The following DDX21 variants were observed in gnomAD, a reference collection of about 807,000 sequenced individuals.
DDX21 encodes the protein DExD-box helicase 21.
A neutral mutation model predicts 90.0 loss-of-function variants in DDX21; 18 were observed. The ratio of observed to expected loss-of-function variants is 0.20; its 90% CI spans 0.14 to 0.30. The LOEUF is 0.30. Among genes scored for constraint, DDX21 ranks in the 10% least tolerant of loss-of-function variants. The pLI is 1.00. For missense variants in DDX21, 673 were observed against 944.5 expected, an observed-to-expected ratio of 0.71 and a Z score of 3.77; for synonymous variants, 294 against 318.0, an observed-to-expected ratio of 0.92 and a Z score of 0.80.
chr10:68,975,870 A>C (rs1843090612), intron 11 of DDX21, among the ~76,000 whole-genome samples: 1 of 152,020 alleles, frequency 6.6e-6, no homozygotes, highest in African/African-American at 2.4e-5. Context: ...TAACATGGAA[A>C]AAACCCATTT....
At chr10:68,966,375 G>A (rs570680612) in intron 5 of DDX21, among the ~76,000 whole-genome samples, 34 of 150,990 alleles carry the variant, frequency 2.3e-4, no homozygotes, top group South Asian at 6.3e-4. Context: ...GTGCCCAGCC[G>A]GAAGTAATTT....
chr10:68,971,338 G>T (rs1419932185), intron 8 of DDX21, among the ~76,000 whole-genome samples: 1 of 151,850 alleles, frequency 6.6e-6, no homozygotes, highest in Non-Finnish European at 1.5e-5. Context: ...CATAACCTAG[G>T]TATTAAGCCC....
At chr10:68,960,496 C>G (rs979274834) in intron 2 of DDX21, among the ~76,000 whole-genome samples, 1 of 152,116 alleles carries the variant, frequency 6.6e-6, no homozygotes, top group African/African-American at 2.4e-5. Context: ...GAGTCTCGCT[C>G]TGTCACCTAG....
chr10:68,978,814 A>T (rs1174374405), intron 12 of DDX21, 28 bp from the exon 13 acceptor site: 1 of 1,588,512 alleles, frequency 6.3e-7, no homozygotes, highest in African/African-American at 1.4e-5. Context: ...CAGCACTTTA[A>T]TTTTATTCTC....
Position 68,965,467 on chromosome 10 carries a change from T to C in DDX21, c.877T>C (p.Tyr293His). 1 of 1,613,860 alleles carries C rather than the reference T, an allele frequency of 6.2e-7. No homozygotes were observed. Among genetic ancestry groups the C allele is most frequent in the Non-Finnish European group, 8.5e-7 (1 of 1,179,962 alleles). The change falls in exon 5 of 15, where the codon TAT becomes CAT. Residue 293 changes from tyrosine to histidine, a missense_variant. Tyr to His is a moderately conservative substitution (Grantham distance 83). Coordinates refer to ENST00000354185, the MANE Select transcript of DDX21 (RefSeq NM_004728.4). Reference sequence around the variant, plus strand: ...AAAAAAGCTGTCAGTGGCTTGTTTTTATGGTGGAACTCCCTATGGAGGTCA... The same window carrying C: ...AAAAAAGCTGTCAGTGGCTTGTTTTCATGGTGGAACTCCCTATGGAGGTCA... Reference protein sequence around the residue: ...ITKKLSVACFYGGTPYGGQFE... With the variant: ...ITKKLSVACFHGGTPYGGQFE...
intron 6 of DDX21, 59 bp from the exon 7 acceptor site, chr10:68,968,917 A>G: frequency 3.8e-6 from 6 of 1,577,522 alleles, no homozygotes. Flanking sequence ...GTTAGGTGGA[A>G]TACTATGTAG....
At chr10:68,957,979 T>C (rs1337962006) in intron 1 of DDX21, among the ~76,000 whole-genome samples, 1 of 152,224 alleles carries the variant, frequency 6.6e-6, no homozygotes, top group Non-Finnish European at 1.5e-5. Context: ...TCATCTGTCT[T>C]ACTTGGTTCT....
At chr10:68,976,388 C>T (rs1455040384) in intron 11 of DDX21, among the ~76,000 whole-genome samples, 5 of 151,640 alleles carry the variant, frequency 3.3e-5, no homozygotes, top group Non-Finnish European at 7.4e-5. Flanking sequence ...CCCTGGTTCA[C>T]GCCATTCTCC....
chr10:68,981,481 G>A, intron 13 of DDX21, 56 bp from the exon 14 acceptor site: 1 of 1,460,580 alleles, frequency 6.8e-7, no homozygotes, highest in South Asian at 1.2e-5. Flanking sequence ...GTCTTTTAAA[G>A]GGAGTATTTT....
chr10:68,973,934 T>A (rs1288187313), intron 10 of DDX21, among the ~76,000 whole-genome samples: 1 of 152,158 alleles, frequency 6.6e-6, no homozygotes, highest in Non-Finnish European at 1.5e-5. Context: ...ATTGAGGGGC[T>A]GTAGGAATTG....
intron 7 of DDX21, 48 bp downstream of exon 7, chr10:68,969,169 T>C: frequency 6.5e-7 from 1 of 1,544,610 alleles, no homozygotes; most frequent in African/African-American, 1.4e-5. Flanking sequence ...ATATATTTTT[T>C]TCTTGTCTGT....
rs557549736 is a variant in DDX21 at position 68,956,648 on chromosome 10, C to T, written c.87+336C>T. On this transcript the variant is annotated intron_variant, in intron 1 of 14. Transcript: ENST00000354185. ...TCCCCGGCGACTTGGGCGCGCCTCA[C>T]ACAGTGCGCAGAGTTGGACCTTCAG... 437 of 1,175,254 alleles carry T rather than the reference C, an allele frequency of 3.7e-4. 7 individuals are homozygous for T. The South Asian group carries it at 8.0e-3, about 22-fold the overall frequency. 72.8% of individuals were successfully genotyped at this position (1,175,254 alleles called of 1,614,324 possible). A position where few individuals can be genotyped will look rare whatever the true frequency, so the allele number is the denominator to read the frequency against.
intron 1 of DDX21, among the ~76,000 whole-genome samples, chr10:68,958,324 A>G (rs549686573): frequency 1.8e-4 from 27 of 152,092 alleles, no homozygotes; most frequent in Non-Finnish European, 3.7e-4. Context: ...GCTAGAGTGC[A>G]GTGGCATGAT....
chr10:68,979,357 C>G (rs911573123), intron 13 of DDX21, among the ~76,000 whole-genome samples: 1 of 152,252 alleles, frequency 6.6e-6, no homozygotes, highest in Middle Eastern at 3.4e-3. Flanking sequence ...GTTCTTTCTT[C>G]TGAGGCCTTC....
intron 11 of DDX21, among the ~76,000 whole-genome samples, chr10:68,976,485 C>T (rs1843103187): frequency 6.6e-6 from 1 of 151,990 alleles, no homozygotes; most frequent in African/African-American, 2.4e-5. Flanking sequence ...GACGGGGTTT[C>T]ACCGTGTTAG....
chr10:68,976,534 G>A (rs941465747), intron 11 of DDX21, among the ~76,000 whole-genome samples: 3 of 152,146 alleles, frequency 2.0e-5, no homozygotes, highest in Admixed American at 1.3e-4. Context: ...TGATCCGCCC[G>A]CCTTGGCCTC....
rs1057352187 is a variant in DDX21 at position 68,960,071 on chromosome 10, A to G, written c.353A>G (p.Glu118Gly). Reference sequence around the variant, plus strand: ...AAAACCAAAAAAGTGACAAAAAATGAGGAGCCTTCTGAGGAAGAAATAGAT... The same window carrying G: ...AAAACCAAAAAAGTGACAAAAAATGGGGAGCCTTCTGAGGAAGAAATAGAT... ...SSKTKKVTKN[E>G]EPSEEEIDAP... The change falls in exon 2 of 15, where the codon GAG (glutamate) becomes GGG (glycine). Residue 118 changes from glutamate to glycine, a missense_variant. Around this residue, in one of 4 missense-constraint regions of DDX21, gnomAD observed 204 missense variants for 221.6 expected, o/e 0.92. Transcript: ENST00000354185. The G allele has an allele frequency of 6.2e-7, 1 of 1,606,296 alleles. No individual in the cohort carries two copies. Among genetic ancestry groups the G allele is most frequent in the African/African-American group, 1.3e-5 (1 of 74,198 alleles).
intron 9 of DDX21, 43 bp downstream of exon 9, chr10:68,972,095 T>G (rs983404147): frequency 1.9e-5 from 30 of 1,577,996 alleles, no homozygotes; most frequent in Non-Finnish European, 2.3e-5. Flanking sequence ...TTGTTTTTTT[T>G]GGGTATTAAA....
At chr10:68,958,309 C>T (rs1842827922) in intron 1 of DDX21, among the ~76,000 whole-genome samples, 1 of 151,952 alleles carries the variant, frequency 6.6e-6, no homozygotes, top group African/African-American at 2.4e-5. Flanking sequence ...CTTACTGTCA[C>T]CCAAGCTAGA....
Sources: allele counts gnomAD v4.1 joint callset (sites outside exome capture counted in the v4.1 genomes callset), GRCh38; gene constraint gnomAD v4.1.1; regional missense constraint gnomAD v4.1.1; transcripts MANE v1.5; gene names NCBI Gene and HGNC (gene_info 2026-07-23, HGNC 2026-07-21).